The following STAC2 variants were observed in gnomAD, a reference collection of about 807,000 sequenced individuals.
STAC2 encodes the protein SH3 and cysteine rich domain 2, also known as SH3 and cysteine-rich domain-containing protein 2.
In STAC2, 36 loss-of-function variants were observed where a neutral mutation model predicts 49.0. The ratio of observed to expected loss-of-function variants is 0.74; its 90% confidence interval spans 0.56 to 0.97. The LOEUF (loss-of-function observed/expected upper bound fraction) is 0.97. Among genes scored for constraint, STAC2 ranks in the 50% least tolerant of loss-of-function variants. STAC2 has a pLI of 0.00. For missense variants in STAC2, 527 were observed against 543.8 expected, an observed-to-expected ratio of 0.97 and a Z score of 0.31; for synonymous variants, 239 against 214.7, an observed-to-expected ratio of 1.11 and a Z score of -0.99.
At chr17:39,223,267 T>A (rs1282654877) in intron 1 of STAC2, among the ~76,000 whole-genome samples, 1 of 152,202 alleles carries the variant, frequency 6.6e-6, no homozygotes, top group Non-Finnish European at 1.5e-5. Flanking sequence ...GGAGCTTCTT[T>A]GGGCCAGGTT....
chr17:39,225,332 G>T lies in STAC2; in HGVS notation c.90+81C>A, dbSNP rs1337472033. The stretch of plus-strand genomic sequence containing the variant: ...GGCCTCGCGACCGCGACCCTAGGAC[G>T]CCCGGGCCCACAGGAGGACCCCGCC... On this transcript the variant is annotated intron_variant, in intron 1 of 10. Coordinates refer to ENST00000333461, the MANE Select transcript of STAC2 (RefSeq NM_198993.5). This position sits in a 1 kb window ranked among gnomAD's most constrained non-coding sequence, Gnocchi z 8.2. The T allele has an allele frequency of 8.9e-6, 11 of 1,230,888 alleles. No homozygotes were observed. Among genetic ancestry groups the T allele is most frequent in the Non-Finnish European group, 9.9e-6 (9 of 908,210 alleles). 76.2% of individuals were successfully genotyped at this position (1,230,888 alleles called of 1,614,324 possible).
At chr17:39,213,162 C>T (rs752353062) in intron 9 of STAC2, 30 bp from the exon 10 acceptor site, 125 of 1,599,892 alleles carry the variant, frequency 7.8e-5, no homozygotes, top group Non-Finnish European at 1.0e-4. Context: ...TGAACACCCG[C>T]GCCACACCCC....
chr17:39,218,818 C>T (rs1034717084), intron 1 of STAC2, among the ~76,000 whole-genome samples: 14 of 151,668 alleles, frequency 9.2e-5, no homozygotes, highest in East Asian at 1.9e-4. Context: ...GAGGCTGAGG[C>T]GGGAGGGAAT....
chr17:39,222,502 A>G (rs1400250672), intron 1 of STAC2, among the ~76,000 whole-genome samples: 1 of 152,216 alleles, frequency 6.6e-6, no homozygotes, highest in Non-Finnish European at 1.5e-5. Flanking sequence ...TGACCACTTC[A>G]GAGACATCGG....
chr17:39,217,951 GCGCT>G lies in STAC2; in HGVS notation c.309_312del (p.Ala104SerfsTer4), dbSNP rs1335612050. 1.3e-6 allele frequency: 2 copies of G among 1,598,570 alleles called. No homozygotes were observed. Among genetic ancestry groups the G allele is most frequent in the African/African-American group, 2.7e-5 (2 of 74,592 alleles). On this transcript the variant is annotated frameshift_variant, in exon 2 of 11. Coordinates refer to ENST00000333461, the MANE Select transcript of STAC2 (RefSeq NM_198993.5). LOFTEE classifies it high-confidence loss of function. ...AAGCTGTGCAGCCTCACTGGTTTGA[GCGCT>G]GCCAGGGGGCGTGGGACTGGGCATG... is the stretch of plus-strand genomic sequence containing the variant.
chr17:39,213,459 G>A (rs377144142), intron 9 of STAC2, 48 bp downstream of exon 9: 1 of 1,608,746 alleles, frequency 6.2e-7, no homozygotes, highest in South Asian at 1.1e-5. Flanking sequence ...GGTGGGGGCT[G>A]CTGGGGTGCC....
chr17:39,218,615 T>A (rs1317346289), intron 1 of STAC2, among the ~76,000 whole-genome samples: 1 of 152,240 alleles, frequency 6.6e-6, no homozygotes, highest in African/African-American at 2.4e-5. Context: ...TAGTATACTA[T>A]ATTTCCTGTG....
chr17:39,225,595 G>GAACGGCTTCAGAGT lies in STAC2; in HGVS notation c.-94_-93insACTCTGAAGCCGTT. On this transcript the variant is annotated 5_prime_UTR_variant, in exon 1 of 11. Coordinates refer to ENST00000333461, the MANE Select transcript of STAC2 (RefSeq NM_198993.5). The surrounding 1 kb of genome is among the most constrained non-coding windows in gnomAD (Gnocchi z 8.2). ...TGGCGGGCGTCTCCGGGACTCTGAAGCCGTTCTCCAGAGGCTGCCCCCAGT... is the reference window on the plus strand; with the variant it reads ...TGGCGGGCGTCTCCGGGACTCTGAAGAACGGCTTCAGAGTCCGTTCTCCAGAGGCTGCCCCCAGT... The GAACGGCTTCAGAGT allele has an allele frequency of 8.0e-7, 1 of 1,253,054 alleles. No individual in the cohort carries two copies. The highest frequency in any genetic ancestry group is 1.1e-6 in the Non-Finnish European group (1 of 878,978). The allele number at this position is 1,253,054 out of a possible 1,614,324, so 77.6% of individuals were successfully genotyped here. A position where few individuals can be genotyped will look rare whatever the true frequency, so the allele number is the denominator to read the frequency against.
chr17:39,215,187 A>G lies in STAC2; in HGVS notation c.630T>C (p.Tyr210=). 1 of 1,613,992 alleles carries G rather than the reference A, an allele frequency of 6.2e-7. No homozygotes were observed. Among genetic ancestry groups the G allele is most frequent in the Non-Finnish European group, 8.5e-7 (1 of 1,180,008 alleles). Reference sequence around the variant, plus strand: ...GGTTCATCAGTGCCAGGGAGGTGCCATAGCGCAGGGTCTCGTAGACAGGGT... The same window carrying G: ...GGTTCATCAGTGCCAGGGAGGTGCCGTAGCGCAGGGTCTCGTAGACAGGGT... ...KVDPVYETLR[Y]GTSLALMNRS... The change falls in exon 5 of 11, where the codon TAT becomes TAC. Residue 210 remains tyrosine, a synonymous_variant. Coordinates refer to ENST00000333461, the MANE Select transcript of STAC2 (RefSeq NM_198993.5).
intron 1 of STAC2, among the ~76,000 whole-genome samples, chr17:39,224,954 G>A (rs934092129): frequency 2.0e-5 from 3 of 152,168 alleles, no homozygotes; most frequent in Non-Finnish European, 2.9e-5. Flanking sequence ...CGGGAGAGAC[G>A]GGGAGAGACG....
rs1457502546 is a variant in STAC2 at position 39,212,993 on chromosome 17, A to C, written c.1131+2T>G. 2 of 1,613,632 alleles carry C rather than the reference A, an allele frequency of 1.2e-6. No homozygotes were observed. Among genetic ancestry groups the C allele is most frequent in the Non-Finnish European group, 1.7e-6 (2 of 1,179,954 alleles). On this transcript the variant is annotated splice_donor_variant, in intron 10 of 10. Coordinates refer to ENST00000333461, the MANE Select transcript of STAC2 (RefSeq NM_198993.5). LOFTEE classifies it high-confidence loss of function. ...GGCCTGGGCTGGGCCTCAGGCACTC[A>C]CCTGGTTCTCCTTGAGGCTCATGTA...
At chr17:39,222,156 T>C (rs930444669) in intron 1 of STAC2, among the ~76,000 whole-genome samples, 1 of 152,174 alleles carries the variant, frequency 6.6e-6, no homozygotes. Context: ...CCATCAGTCA[T>C]GTTCCCCCCA....
At chr17:39,215,697 T>C (rs1039611493) in intron 4 of STAC2, among the ~76,000 whole-genome samples, 2 of 152,168 alleles carry the variant, frequency 1.3e-5, no homozygotes, top group Non-Finnish European at 2.9e-5. Flanking sequence ...CTCGTACCCA[T>C]GGTCTCGTTT....
Position 39,215,196 on chromosome 17 carries a change from G to C in STAC2, c.621C>G (p.Thr207=). The change falls in exon 5 of 11, where the codon ACC becomes ACG. Residue 207 remains threonine, a synonymous_variant. Transcript: ENST00000333461. ...DSGKVDPVYE[T]LRYGTSLALM... is the part of the protein sequence containing the mutation. ...GTGCCAGGGAGGTGCCATAGCGCAGGGTCTCGTAGACAGGGTCCACCTTCC... is the reference window on the plus strand; with the variant it reads ...GTGCCAGGGAGGTGCCATAGCGCAGCGTCTCGTAGACAGGGTCCACCTTCC... 1 of 1,613,980 alleles carries C rather than the reference G, an allele frequency of 6.2e-7. No homozygotes were observed. The highest frequency in any genetic ancestry group is 8.5e-7 in the Non-Finnish European group (1 of 1,179,988).
At position 39,225,469 on chromosome 17, in the gene STAC2, C is replaced by T; in HGVS notation, c.34G>A (p.Asp12Asn). Reference sequence around the variant, plus strand: ...GGGGGGCTGTGGGTGGCCGCGTCATCCGGTTCGTTCTCCTTCTCGCTCATC... The same window carrying T: ...GGGGGGCTGTGGGTGGCCGCGTCATTCGGTTCGTTCTCCTTCTCGCTCATC... ...TEMSEKENEP[D>N]DAATHSPPGT... The change falls in exon 1 of 11, where the codon GAT becomes AAT. Residue 12 changes from aspartate to asparagine, a missense_variant. By Grantham distance (23) the Asp-to-Asn change is conservative (BLOSUM62 1). Coordinates refer to ENST00000333461, the MANE Select transcript of STAC2 (RefSeq NM_198993.5). This position sits in a 1 kb window ranked among gnomAD's most constrained non-coding sequence, Gnocchi z 8.2. 2 of 1,610,310 alleles carry T rather than the reference C, an allele frequency of 1.2e-6. No homozygotes were observed. The highest frequency in any genetic ancestry group is 1.7e-6 in the Non-Finnish European group (2 of 1,178,774).
At position 39,225,378 on chromosome 17, in the gene STAC2, C is replaced by A. The variant is rs542383686; in HGVS notation, c.90+35G>T. ...CCGCCGGGAAGAGGGCGCCCGGGCC[C>A]GGGGCGCGGACAGGCCTTGCGCCCC... On this transcript the variant is annotated intron_variant, in intron 1 of 10. Coordinates refer to ENST00000333461, the MANE Select transcript of STAC2 (RefSeq NM_198993.5). This position sits in a 1 kb window ranked among gnomAD's most constrained non-coding sequence, Gnocchi z 8.2. The A allele has an allele frequency of 1.9e-6, 3 of 1,561,552 alleles. No homozygotes were observed. Among genetic ancestry groups the A allele is most frequent in the Non-Finnish European group, 2.6e-6 (3 of 1,158,128 alleles).
chr17:39,224,003 C>T (rs1371183056), intron 1 of STAC2, among the ~76,000 whole-genome samples: 3 of 152,134 alleles, frequency 2.0e-5, no homozygotes, highest in Non-Finnish European at 2.9e-5. Context: ...AAGAGAGAGT[C>T]AGGTGTGCAT....
At chr17:39,215,080 C>T (rs778258739) in intron 5 of STAC2, 38 bp downstream of exon 5, 4 of 1,613,926 alleles carry the variant, frequency 2.5e-6, no homozygotes, top group Non-Finnish European at 8.5e-7. Context: ...TGCTCAGACA[C>T]CCCTCCCCAA....
chr17:39,213,622 G>T, intron 8 of STAC2, 64 bp from the exon 9 acceptor site: 3 of 1,523,758 alleles, frequency 2.0e-6, no homozygotes, highest in South Asian at 2.2e-5. Context: ...CATCCTAGCA[G>T]ACCCTGGGCA....
Sources: allele counts gnomAD v4.1 joint callset (sites outside exome capture counted in the v4.1 genomes callset), GRCh38; gene constraint gnomAD v4.1.1; non-coding constraint Gnocchi (gnomAD v3.1); transcripts MANE v1.5; gene names NCBI Gene and HGNC (gene_info 2026-07-23, HGNC 2026-07-21).